The following ANO2 variants were observed in gnomAD, a reference collection of about 807,000 sequenced individuals.
ANO2 encodes the protein anoctamin 2.
ANO2 carries 101 observed loss-of-function variants against 124.2 expected under a neutral mutation model. The ratio of observed to expected loss-of-function variants is 0.81; its 90% CI spans 0.69 to 0.96. The LOEUF (loss-of-function observed/expected upper bound fraction) is 0.96. ANO2 is among the 40% of genes least tolerant of loss of function. The probability of loss-of-function intolerance (pLI) is 0.00; values close to 1 mark genes in which losing one functional copy is unlikely to be tolerated. For synonymous variants in ANO2, 486 were observed against 482.5 expected, an observed-to-expected ratio of 1.01 and a Z score of -0.09; for missense variants, 1,293 against 1,274.5, an observed-to-expected ratio of 1.01 and a Z score of -0.22.
chr12:5,610,088 ATATATT>A (rs1268115610), intron 19 of ANO2, among the ~76,000 whole-genome samples: 1 of 133,588 alleles, frequency 7.5e-6, no homozygotes, highest in Non-Finnish European at 1.5e-5. Flanking sequence ...ATATAAATAT[ATATATT>A]TATATTATAT....
intron 11 of ANO2, among the ~76,000 whole-genome samples, chr12:5,746,480 C>A (rs1951270578): frequency 6.6e-6 from 1 of 152,262 alleles, no homozygotes; most frequent in Non-Finnish European, 1.5e-5. Context: ...TGCCTCTAGA[C>A]AAGCTGAAAG....
intron 20 of ANO2, among the ~76,000 whole-genome samples, chr12:5,593,856 T>C (rs542576132): frequency 6.6e-6 from 1 of 152,164 alleles, no homozygotes; most frequent in South Asian, 2.1e-4. Context: ...AGCCCAGTGG[T>C]TCAACGGCAG....
intron 10 of ANO2, among the ~76,000 whole-genome samples, chr12:5,762,040 G>A (rs572318043): frequency 3.3e-5 from 5 of 152,192 alleles, no homozygotes; most frequent in African/African-American, 1.2e-4. Context: ...TTAAATAGAT[G>A]TAAGTAGAAT....
At chr12:5,684,683 G>A (rs971848397) in intron 14 of ANO2, among the ~76,000 whole-genome samples, 9 of 152,146 alleles carry the variant, frequency 5.9e-5, no homozygotes, top group Admixed American at 3.3e-4. Flanking sequence ...ATGGGACACG[G>A]CATGCCACAC....
At chr12:5,889,950 G>A (rs1429478257) in intron 3 of ANO2, among the ~76,000 whole-genome samples, 4 of 152,202 alleles carry the variant, frequency 2.6e-5, no homozygotes, top group Non-Finnish European at 5.9e-5. Flanking sequence ...ACAATCAGAG[G>A]CAATGTGTCT....
chr12:5,710,490 C>T (rs1231059356), intron 14 of ANO2, among the ~76,000 whole-genome samples: 1 of 152,124 alleles, frequency 6.6e-6, no homozygotes. Context: ...ATGGGGAGAC[C>T]TCAAAGAATG....
chr12:5,567,566 C>A (rs1358642978), intron 23 of ANO2, among the ~76,000 whole-genome samples: 1 of 152,226 alleles, frequency 6.6e-6, no homozygotes, highest in Non-Finnish European at 1.5e-5. Flanking sequence ...CCTACTGCTA[C>A]AATGAAAGTC....
intron 14 of ANO2, among the ~76,000 whole-genome samples, chr12:5,693,286 C>T (rs1466103555): frequency 6.6e-6 from 1 of 152,200 alleles, no homozygotes; most frequent in Non-Finnish European, 1.5e-5. Context: ...TCTTCCCTCA[C>T]CGATATTCTT....
intron 11 of ANO2, 28 bp downstream of exon 11, chr12:5,750,807 CT>C (rs757314059): frequency 6.2e-7 from 1 of 1,601,858 alleles, no homozygotes; most frequent in Admixed American, 1.7e-5. Context: ...CATATGGCAA[CT>C]GAGCCCTTTT....
chr12:5,699,889 A>C (rs1949334679), intron 14 of ANO2, among the ~76,000 whole-genome samples: 1 of 152,244 alleles, frequency 6.6e-6, no homozygotes. Context: ...AGAAGAGCTA[A>C]CTATCCTAAA....
At chr12:5,726,097 C>T (rs919361256) in intron 14 of ANO2, among the ~76,000 whole-genome samples, 2 of 150,970 alleles carry the variant, frequency 1.3e-5, no homozygotes, top group African/African-American at 2.4e-5. Context: ...CAAACGTGTC[C>T]GGGATACAGC....
At chr12:5,688,079 G>T (rs1216995482) in intron 14 of ANO2, among the ~76,000 whole-genome samples, 2 of 152,146 alleles carry the variant, frequency 1.3e-5, no homozygotes, top group East Asian at 1.9e-4. Flanking sequence ...CTTCTTACAG[G>T]TTCCTAGTTC....
At chr12:5,829,795 T>C (rs1954092235) in intron 6 of ANO2, among the ~76,000 whole-genome samples, 1 of 152,208 alleles carries the variant, frequency 6.6e-6, no homozygotes, top group Non-Finnish European at 1.5e-5. Context: ...ATATGCAGAT[T>C]TTTATTAGAA....
chr12:5,744,200 G>A lies in ANO2; in HGVS notation c.1308C>T (p.Asp436=), dbSNP rs770450204. The change falls in exon 12 of 25, where the codon GAC becomes GAT. Residue 436 remains aspartate (D), a synonymous_variant. Transcript: ENST00000682330. ...TAGAGAAGAAGACGGTGGCAGGGTT[G>A]TCAAACAGGTGGCTGGCCTGCGCGG... ...CGTAQASHLF[D]NPATVFFSIF... The A allele has an allele frequency of 2.5e-6, 4 of 1,613,018 alleles. No individual in the cohort carries two copies. The highest frequency in any genetic ancestry group is 3.4e-6 in the Non-Finnish European group (4 of 1,179,896).
Position 5,938,649 on chromosome 12 carries a change from C to T in ANO2, c.22+6547G>A, listed in dbSNP as rs574942320. Among the ~76,000 whole-genome samples, 406 of 152,082 alleles carry T rather than the reference C, an allele frequency of 2.7e-3. 1 individual carries two copies. Among genetic ancestry groups the T allele is most frequent in the Non-Finnish European group, 3.6e-3 (244 of 67,996 alleles). On this transcript the variant is annotated intron_variant, in intron 1 of 24. Coordinates refer to ENST00000682330, the MANE Select transcript of ANO2 (RefSeq NM_001364791.2). ...CAGCCTGGCCAACATGGTGAAACTC[C>T]GTCTCTACTGAAAAAAAATACAAAA...
intron 14 of ANO2, among the ~76,000 whole-genome samples, chr12:5,726,307 G>C (rs184654243): frequency 6.6e-6 from 1 of 152,302 alleles, no homozygotes; most frequent in Non-Finnish European, 1.5e-5. Flanking sequence ...AGTGGAAATA[G>C]AACATCACCC....
intron 23 of ANO2, among the ~76,000 whole-genome samples, chr12:5,570,542 G>A (rs1307977911): frequency 6.6e-6 from 1 of 152,096 alleles, no homozygotes; most frequent in Non-Finnish European, 1.5e-5. Context: ...GGTACAGAGA[G>A]GAGAGAGACT....
intron 3 of ANO2, among the ~76,000 whole-genome samples, chr12:5,872,911 G>T (rs1457465397): frequency 1.3e-5 from 2 of 152,140 alleles, no homozygotes; most frequent in Non-Finnish European, 2.9e-5. Context: ...CCATTGTGAA[G>T]ATCCAGCGTG....
At chr12:5,830,521 C>T in intron 5 of ANO2, 32 bp from the exon 6 acceptor site, 2 of 1,595,702 alleles carry the variant, frequency 1.3e-6, no homozygotes, top group Non-Finnish European at 1.7e-6. Context: ...ATGGCAAATT[C>T]ATTTCATTAC....
Sources: gnomAD v4.1 joint callset for allele counts (sites outside exome capture counted in the v4.1 genomes callset) on GRCh38, gnomAD v4.1.1 for gene constraint, MANE v1.5 for transcripts, NCBI Gene and HGNC (gene_info 2026-07-23, HGNC 2026-07-21) for gene names.